The following STRN3 variants were observed in gnomAD, a reference collection of about 807,000 sequenced individuals.
The protein encoded by STRN3 is striatin-3.
In STRN3, 29 loss-of-function variants were observed where a neutral mutation model predicts 95.6. The observed-to-expected ratio is 0.30, with a 90% CI of 0.23 to 0.41. STRN3 has a LOEUF of 0.41. STRN3 is among the 10% of genes least tolerant of loss of function. The pLI, the probability that STRN3 is intolerant of heterozygous loss-of-function variation, is 1.00. For missense variants in STRN3, 890 were observed against 972.1 expected (o/e 0.92, Z 1.12); for synonymous variants, 331 against 357.6 (o/e 0.93, Z 0.84).
At chr14:30,976,968 T>G (rs767157404) in intron 1 of STRN3, among the ~76,000 whole-genome samples, 4 of 152,082 alleles carry the variant, frequency 2.6e-5, no homozygotes, top group Non-Finnish European at 4.4e-5. Context: ...CACAAGCCTG[T>G]AATCCCAGCA....
chr14:30,910,576 T>C (rs915470124), intron 13 of STRN3, among the ~76,000 whole-genome samples: 3 of 150,296 alleles, frequency 2.0e-5, no homozygotes, highest in African/African-American at 7.3e-5. Flanking sequence ...TTTCCTTTCT[T>C]TTTTTTTTTC....
At chr14:30,962,869 A>G (rs1206522049) in intron 1 of STRN3, among the ~76,000 whole-genome samples, 1 of 151,882 alleles carries the variant, frequency 6.6e-6, no homozygotes, top group Non-Finnish European at 1.5e-5. Context: ...CTATGTTTAG[A>G]TACACAAATA....
chr14:30,956,693 T>C (rs879564410), intron 1 of STRN3, among the ~76,000 whole-genome samples: 1 of 152,200 alleles, frequency 6.6e-6, no homozygotes, highest in Admixed American at 6.5e-5. Context: ...ATATTAATAT[T>C]TCACCTTCAC....
intron 1 of STRN3, among the ~76,000 whole-genome samples, chr14:31,007,868 G>C (rs971131927): frequency 1.3e-5 from 2 of 152,138 alleles, no homozygotes; most frequent in African/African-American, 4.8e-5. Flanking sequence ...CTCCAGCCTA[G>C]GCAGCAGGGT....
At chr14:30,957,228 G>A (rs80225562) in intron 1 of STRN3, among the ~76,000 whole-genome samples, 13,723 of 152,140 alleles carry the variant, frequency 0.09, 905 homozygotes, top group South Asian at 0.29. Context: ...GCCGAGGCGG[G>A]TGGATCACGA....
Position 30,906,861 on chromosome 14 carries a change from T to C in STRN3, c.1888+16A>G. 6.3e-7 allele frequency: 1 copy of C among 1,594,580 alleles called. No individual in the cohort carries two copies. Among genetic ancestry groups the C allele is most frequent in the Non-Finnish European group, 8.5e-7 (1 of 1,172,212 alleles). On this transcript the variant is annotated intron_variant, in intron 14 of 17. Transcript: ENST00000357479. ...TAAAAAAACTAACTTTTCTCACAGA[T>C]GCAAAATTTACTTACTTTTATCTCC...
intron 1 of STRN3, among the ~76,000 whole-genome samples, chr14:31,019,193 A>G (rs1883386382): frequency 6.6e-6 from 1 of 152,158 alleles, no homozygotes. Flanking sequence ...CTATAGTCCA[A>G]GCTATTTGGG....
chr14:31,000,664 T>G (rs929176163), intron 1 of STRN3, among the ~76,000 whole-genome samples: 1 of 152,178 alleles, frequency 6.6e-6, no homozygotes, highest in Non-Finnish European at 1.5e-5. Flanking sequence ...AATAATAATG[T>G]TACACGTCAA....
chr14:30,960,077 GA>G (rs1880113308), intron 1 of STRN3, among the ~76,000 whole-genome samples: 1 of 152,012 alleles, frequency 6.6e-6, no homozygotes, highest in Non-Finnish European at 1.5e-5. Context: ...GAGATGGGCC[GA>G]GTACAGGGGG....
intron 1 of STRN3, among the ~76,000 whole-genome samples, chr14:30,989,396 A>C (rs1043850024): frequency 2.6e-5 from 4 of 152,158 alleles, no homozygotes; most frequent in Non-Finnish European, 4.4e-5. Context: ...CTATTTCTCC[A>C]AAGGTAGTAG....
chr14:30,989,827 T>G lies in STRN3; in HGVS notation c.283-33585A>C, dbSNP rs574389673. On this transcript the variant is annotated intron_variant, in intron 1 of 17. Coordinates refer to ENST00000357479, the MANE Select transcript of STRN3 (RefSeq NM_001083893.2). ...AATTCCAACCCTAACACATACTAACTCATGTGACCCTGGGCAAATTAATTA... is the reference window on the plus strand; with the variant it reads ...AATTCCAACCCTAACACATACTAACGCATGTGACCCTGGGCAAATTAATTA... 1.6e-3 allele frequency among the ~76,000 whole-genome samples: 240 copies of G among 152,054 alleles called. 2 individuals are homozygous for G. The highest frequency in any genetic ancestry group is 5.1e-3 in the African/African-American group (212 of 41,348).
At position 30,913,657 on chromosome 14, in the gene STRN3, G is replaced by C; in HGVS notation, c.1241C>G (p.Ala414Gly). Residue 414 changes from alanine (A) to glycine (G), a missense_variant and splice_region_variant, in exon 10 of 18, where the codon GCT (alanine) becomes GGT (glycine). Physicochemically the swap from Ala to Gly is moderately conservative, Grantham distance 60. Transcript: ENST00000357479. ...TCCAGATGGAAACGTTATTGGTTCAGCTATAAAGAACAAAACCGCTTCTTA... is the reference window on the plus strand; with the variant it reads ...TCCAGATGGAAACGTTATTGGTTCACCTATAAAGAACAAAACCGCTTCTTA... ...TDHEGARAEE[A>G]EPITFPSGGG... The C allele has an allele frequency of 6.2e-7, 1 of 1,613,138 alleles. No individual in the cohort carries two copies. The highest frequency in any genetic ancestry group is 8.5e-7 in the Non-Finnish European group (1 of 1,179,740).
In STRN3 at chr14:30,935,186, C is replaced by T. The variant is rs1878758482; in HGVS notation, c.965G>A (p.Ser322Asn). 6 of 1,614,112 alleles carry T rather than the reference C, an allele frequency of 3.7e-6. No individual in the cohort carries two copies. The highest frequency in any genetic ancestry group is 5.1e-6 in the Non-Finnish European group (6 of 1,180,002). ...ACCCCATTCTGTGCCATCCCCCGAACTCCGTGCTTCTCCAGCTCCTTCACC... is the reference window on the plus strand; with the variant it reads ...ACCCCATTCTGTGCCATCCCCCGAATTCCGTGCTTCTCCAGCTCCTTCACC... ...EDGEGAGEARSSGDGTEWDKD... is the reference protein window; with the variant it reads ...EDGEGAGEARNSGDGTEWDKD... The change falls in exon 7 of 18, where the codon AGT (serine) becomes AAT (asparagine). Residue 322 changes from serine to asparagine, a missense_variant. Transcript: ENST00000357479.
At chr14:31,013,652 G>A (rs1883076302) in intron 1 of STRN3, among the ~76,000 whole-genome samples, 1 of 151,596 alleles carries the variant, frequency 6.6e-6, no homozygotes, top group African/African-American at 2.4e-5. Flanking sequence ...GAAGAGCAGT[G>A]GTGTGATGAT....
intron 2 of STRN3, among the ~76,000 whole-genome samples, chr14:30,955,909 C>CT (rs908410046): frequency 6.6e-5 from 10 of 151,286 alleles, no homozygotes; most frequent in South Asian, 4.2e-4. Flanking sequence ...TATCCTTTGT[C>CT]TTTTTTTTTA....
chr14:31,019,883 TTTC>T (rs1195087616), intron 1 of STRN3, among the ~76,000 whole-genome samples: 1 of 85,712 alleles, frequency 1.2e-5, no homozygotes, highest in Non-Finnish European at 2.9e-5. Context: ...GTTCACTCAT[TTTC>T]TTTTTTTTTT....
chr14:30,929,109 A>G (rs1319471062), intron 8 of STRN3, 92 bp downstream of exon 8: 1 of 1,112,578 alleles, frequency 9.0e-7, no homozygotes, highest in Non-Finnish European at 1.3e-6. Flanking sequence ...TTTATGAAAC[A>G]AAAAATTAAG....
At chr14:30,976,754 C>T (rs1881122169) in intron 1 of STRN3, among the ~76,000 whole-genome samples, 1 of 152,168 alleles carries the variant, frequency 6.6e-6, no homozygotes, top group Non-Finnish European at 1.5e-5. Flanking sequence ...ATTAAACATA[C>T]TTGTAAGTGA....
chr14:30,991,634 A>T (rs1445533563), intron 1 of STRN3, among the ~76,000 whole-genome samples: 1 of 152,188 alleles, frequency 6.6e-6, no homozygotes, highest in African/African-American at 2.4e-5. Flanking sequence ...GGGCTGGAGA[A>T]GATACACTAA....
Sources: allele counts gnomAD v4.1 joint callset (sites outside exome capture counted in the v4.1 genomes callset), GRCh38; gene constraint gnomAD v4.1.1; transcripts MANE v1.5; gene names NCBI Gene and HGNC (gene_info 2026-07-23, HGNC 2026-07-21).